Variants in LCLAT1 observed in about 807,000 individuals in gnomAD.
The protein encoded by LCLAT1 is 1-AGP acyltransferase 8.
Under a neutral mutation model 30.7 loss-of-function variants are expected in LCLAT1, and 11 were observed. That is an observed-to-expected ratio of 0.36 (90% CI 0.23 to 0.59). LCLAT1 has a LOEUF of 0.59. Among genes scored for constraint, LCLAT1 ranks in the 20% least tolerant of loss-of-function variants. The probability of loss-of-function intolerance (pLI) is 0.77; values close to 1 mark genes in which losing one functional copy is unlikely to be tolerated. For synonymous variants in LCLAT1, 155 were observed against 151.3 expected, an observed-to-expected ratio of 1.02 and a Z score of -0.18; for missense variants, 402 against 458.6, an observed-to-expected ratio of 0.88 and a Z score of 1.13.
At chr2:30,483,306 T>A (rs1278823963) in intron 1 of LCLAT1, among the ~76,000 whole-genome samples, 1 of 152,132 alleles carries the variant, frequency 6.6e-6, no homozygotes, top group African/African-American at 2.4e-5. Context: ...TTAGGCAACA[T>A]AGGGATACCC....
chr2:30,588,291 T>G (rs1666530191), intron 5 of LCLAT1, among the ~76,000 whole-genome samples: 1 of 152,210 alleles, frequency 6.6e-6, no homozygotes, highest in South Asian at 2.1e-4. Context: ...CAAATCTTCT[T>G]TCTCTAGGAC....
At chr2:30,610,756 G>A (rs1274933810) in intron 5 of LCLAT1, among the ~76,000 whole-genome samples, 1 of 152,036 alleles carries the variant, frequency 6.6e-6, no homozygotes, top group East Asian at 1.9e-4. Context: ...CAGCTGGTTG[G>A]TCCAACACAT....
At chr2:30,461,770 C>CTTTT (rs1553354407) in intron 1 of LCLAT1, among the ~76,000 whole-genome samples, 1 of 131,798 alleles carries the variant, frequency 7.6e-6, no homozygotes, top group Non-Finnish European at 1.6e-5. Context: ...CTAAATTAAA[C>CTTTT]TTTTTTTTTT....
intron 1 of LCLAT1, among the ~76,000 whole-genome samples, chr2:30,459,187 C>T (rs907582936): frequency 1.3e-5 from 2 of 152,082 alleles, no homozygotes; most frequent in South Asian, 4.1e-4. Context: ...AGGAGCTGCC[C>T]CTTACCTGTT....
Position 30,533,049 on chromosome 2 carries a change from G to A in LCLAT1, c.166-67G>A, listed in dbSNP as rs185844444. ...AGAAATCATAAGATTTATTTATAGGGCATGATAAAATTTACCTATGGAAAA... is the reference window on the plus strand; with the variant it reads ...AGAAATCATAAGATTTATTTATAGGACATGATAAAATTTACCTATGGAAAA... On this transcript the variant is annotated intron_variant, in intron 2 of 5. Transcript: ENST00000379509. 99 of 1,039,190 alleles carry A rather than the reference G, an allele frequency of 9.5e-5. No homozygotes were observed. In the African/African-American group the frequency reaches 1.3e-3, roughly 13 times the overall value. 64.4% of individuals were successfully genotyped at this position (1,039,190 alleles called of 1,614,324 possible). A position where few individuals can be genotyped will look rare whatever the true frequency, so the allele number is the denominator to read the frequency against.
chr2:30,478,948 GTTTC>G (rs1337472169), intron 1 of LCLAT1, among the ~76,000 whole-genome samples: 5 of 152,056 alleles, frequency 3.3e-5, no homozygotes, highest in Admixed American at 2.6e-4. Context: ...CAATTGCTGT[GTTTC>G]TTTAAGTATT....
intron 1 of LCLAT1, among the ~76,000 whole-genome samples, chr2:30,468,935 T>A (rs2148287680): frequency 6.6e-6 from 1 of 152,334 alleles, no homozygotes; most frequent in South Asian, 2.1e-4. Flanking sequence ...ATTTTTAAAA[T>A]TGTGCCCATG....
chr2:30,546,195 A>G (rs542353467), intron 3 of LCLAT1, among the ~76,000 whole-genome samples: 1 of 152,296 alleles, frequency 6.6e-6, no homozygotes, highest in African/African-American at 2.4e-5. Context: ...GAAGACTGTT[A>G]TTGGATATGT....
chr2:30,524,873 T>G lies in LCLAT1; in HGVS notation c.-4-714T>G, dbSNP rs563561228. The stretch of plus-strand genomic sequence containing the variant: ...TACTATCTGTGATTCAGGCATCTAC[T>G]GGGGGTCTTGGAATGGATCCAAAGT... On this transcript the variant is annotated intron_variant, in intron 1 of 5. Coordinates refer to ENST00000379509, the MANE Select transcript of LCLAT1 (RefSeq NM_001002257.3). Among the ~76,000 whole-genome samples, 5 of 152,288 alleles carry G rather than the reference T, an allele frequency of 3.3e-5. No homozygotes were observed. The South Asian group carries it at 1.0e-3, about 32-fold the overall frequency.
At chr2:30,538,100 A>G (rs932195027) in intron 3 of LCLAT1, among the ~76,000 whole-genome samples, 2 of 152,194 alleles carry the variant, frequency 1.3e-5, no homozygotes, top group African/African-American at 4.8e-5. Flanking sequence ...CGCAGCTTAT[A>G]GCAGTAAATG....
chr2:30,629,121 A>G (rs1668647416), intron 5 of LCLAT1, among the ~76,000 whole-genome samples: 1 of 152,254 alleles, frequency 6.6e-6, no homozygotes, highest in Non-Finnish European at 1.5e-5. Context: ...GAGTGGCTAT[A>G]TGGCAAAATT....
At chr2:30,614,919 C>T (rs139838592) in intron 5 of LCLAT1, among the ~76,000 whole-genome samples, 20 of 151,998 alleles carry the variant, frequency 1.3e-4, no homozygotes, top group Admixed American at 2.0e-4. Flanking sequence ...AGTAAGGTGA[C>T]CAGGAAGCCA....
intron 3 of LCLAT1, among the ~76,000 whole-genome samples, chr2:30,543,818 C>T (rs1396296307): frequency 1.3e-5 from 2 of 151,902 alleles, no homozygotes; most frequent in African/African-American, 4.8e-5. Flanking sequence ...TGCCCCTCTC[C>T]CCTAAAATAA....
intron 5 of LCLAT1, among the ~76,000 whole-genome samples, chr2:30,611,319 A>T (rs1487351548): frequency 6.6e-6 from 1 of 152,084 alleles, no homozygotes; most frequent in Non-Finnish European, 1.5e-5. Flanking sequence ...TAAACTATAT[A>T]ATGTCCTAAT....
chr2:30,459,539 G>C, intron 1 of LCLAT1: 1 of 985,330 alleles, frequency 1.0e-6, no homozygotes, highest in Non-Finnish European at 1.6e-6. Context: ...TCTCCCATTT[G>C]TCCTGTTCAC....
chr2:30,606,829 AATCT>A (rs1283462267), intron 5 of LCLAT1: 2 of 152,304 alleles, frequency 1.3e-5, no homozygotes, highest in East Asian at 1.9e-4. Context: ...AAATTTTTGC[AATCT>A]ATCCATCTGA....
intron 1 of LCLAT1, among the ~76,000 whole-genome samples, chr2:30,469,803 C>G (rs1682682713): frequency 6.6e-6 from 1 of 151,992 alleles, no homozygotes; most frequent in South Asian, 2.1e-4. Context: ...AGTAGAGAGC[C>G]AGGATGGTCT....
At position 30,640,466 on chromosome 2, in the gene LCLAT1, A is replaced by G. The variant is rs777962103; in HGVS notation, c.978A>G (p.Ile326Met). 8.7e-6 allele frequency: 14 copies of G among 1,614,012 alleles called. No individual in the cohort carries two copies. The highest frequency in any genetic ancestry group is 4.0e-5 in the African/African-American group (3 of 74,916). The change falls in exon 6 of 6, where the codon ATA becomes ATG. Residue 326 changes from isoleucine (I) to methionine (M), a missense_variant. By Grantham distance (10) the Ile-to-Met change is conservative. Coordinates refer to ENST00000379509, the MANE Select transcript of LCLAT1 (RefSeq NM_001002257.3). ...TLFSPAMCLLIYLYSLVKWYF... is the reference protein window; with the variant it reads ...TLFSPAMCLLMYLYSLVKWYF... The stretch of plus-strand genomic sequence containing the variant: ...TCAGCCCTGCAATGTGCCTACTCAT[A>G]TATTTGTACAGTCTTGTTAAGTGGT...
intron 5 of LCLAT1, among the ~76,000 whole-genome samples, chr2:30,602,931 A>G (rs1562416): frequency 0.15 from 22,436 of 152,134 alleles, 2,276 homozygotes; most frequent in Non-Finnish European, 0.22. Context: ...GGAACAGCGG[A>G]ACAGTAATTT....
Sources: gnomAD v4.1 joint callset for allele counts (sites outside exome capture counted in the v4.1 genomes callset) on GRCh38, gnomAD v4.1.1 for gene constraint, MANE v1.5 for transcripts, NCBI Gene and HGNC (gene_info 2026-07-23, HGNC 2026-07-21) for gene names.